ARHGAP22: variants seen among roughly 807,000 people sequenced by gnomAD.
The protein encoded by ARHGAP22 is Rho GTPase activating protein 22.
A neutral mutation model predicts 59.1 loss-of-function variants in ARHGAP22; 48 were observed. The observed-to-expected ratio is 0.81, with a 90% CI of 0.64 to 1.03. ARHGAP22 has a LOEUF of 1.03. Among genes scored for constraint, ARHGAP22 ranks in the 50% least tolerant of loss-of-function variants. The pLI is 0.00. For synonymous variants in ARHGAP22, 445 were observed against 416.4 expected, an observed-to-expected ratio of 1.07 and a Z score of -0.84; for missense variants, 1,015 against 958.7, an observed-to-expected ratio of 1.06 and a Z score of -0.78.
At chr10:48,584,605 A>C (rs1322250047) in intron 1 of ARHGAP22, among the ~76,000 whole-genome samples, 3 of 152,234 alleles carry the variant, frequency 2.0e-5, no homozygotes, top group Non-Finnish European at 4.4e-5. Flanking sequence ...GTGGGGGGCA[A>C]GGAACAGACG....
chr10:48,455,977 C>G (rs2046459303), intron 5 of ARHGAP22, among the ~76,000 whole-genome samples: 1 of 152,212 alleles, frequency 6.6e-6, no homozygotes, highest in African/African-American at 2.4e-5. Flanking sequence ...TGGCTCGGAG[C>G]TGCCAAGGCA....
chr10:48,649,477 T>C (rs1589326796), intron 1 of ARHGAP22, among the ~76,000 whole-genome samples: 1 of 152,124 alleles, frequency 6.6e-6, no homozygotes, highest in South Asian at 2.1e-4. Flanking sequence ...GCCTTCTCCT[T>C]CTCTTTGGAC....
In ARHGAP22 at chr10:48,578,062, GC is replaced by G. The variant is rs2058864009; in HGVS notation, c.234+4890del. Among the ~76,000 whole-genome samples, 4 of 152,158 alleles carry G rather than the reference GC, an allele frequency of 2.6e-5. No homozygotes were observed. The South Asian group carries it at 8.3e-4, about 32-fold the overall frequency. ...GACCTCAAATGATCTGCCTGCCTTG[GC>G]CTCCCAAAGTGCTGGGACTAGAGGC... On this transcript the variant is annotated intron_variant, in intron 2 of 9. Transcript: ENST00000249601.
At position 48,446,475 on chromosome 10, in the gene ARHGAP22, C is replaced by T; in HGVS notation, c.2013G>A (p.Gln671=). The change falls in exon 10 of 10, where the codon CAG becomes CAA. Residue 671 remains glutamine, a synonymous_variant. Coordinates refer to ENST00000249601, the MANE Select transcript of ARHGAP22 (RefSeq NM_021226.4). ...ACTCCTCCATTTCCCTCTGCAACAG[C>T]TGGTTCCTCCTCTCCGCATCCTCCC... ...RAREDAERRN[Q]LLQREMEEFF... 6.2e-7 allele frequency: 1 copy of T among 1,614,266 alleles called. No homozygotes were observed. The highest frequency in any genetic ancestry group is 1.1e-5 in the South Asian group (1 of 91,084).
Position 48,499,780 on chromosome 10 carries a change from G to A in ARHGAP22, c.323-20016C>T, listed in dbSNP as rs181205699. ...AGAATCCAGTAAATCAACTGGGTGCGAAATTAATATATAAAAAGAACAATC... is the reference window on the plus strand; with the variant it reads ...AGAATCCAGTAAATCAACTGGGTGCAAAATTAATATATAAAAAGAACAATC... On this transcript the variant is annotated intron_variant, in intron 3 of 9. Coordinates refer to ENST00000249601, the MANE Select transcript of ARHGAP22 (RefSeq NM_021226.4). 8.5e-5 allele frequency among the ~76,000 whole-genome samples: 13 copies of A among 152,272 alleles called. No individual in the cohort carries two copies. In the East Asian group the frequency reaches 1.2e-3, roughly 14 times the overall value.
At chr10:48,552,383 G>A (rs553813195) in intron 3 of ARHGAP22, among the ~76,000 whole-genome samples, 1 of 152,242 alleles carries the variant, frequency 6.6e-6, no homozygotes, top group Non-Finnish European at 1.5e-5. Flanking sequence ...TCCTTCCTGC[G>A]CCTGTTAGTT....
At chr10:48,511,066 G>T (rs1161066069) in intron 3 of ARHGAP22, 1 of 152,376 alleles carries the variant, frequency 6.6e-6, no homozygotes, top group Admixed American at 6.5e-5. Flanking sequence ...AACTGGACTG[G>T]AGCAGGATAG....
At chr10:48,576,870 A>T (rs2058742416) in intron 2 of ARHGAP22, among the ~76,000 whole-genome samples, 1 of 151,860 alleles carries the variant, frequency 6.6e-6, no homozygotes, top group South Asian at 2.1e-4. Context: ...GGGCAGTGAG[A>T]TTTTGCTTTC....
chr10:48,591,750 T>C (rs1007065466), intron 1 of ARHGAP22, among the ~76,000 whole-genome samples: 1 of 152,150 alleles, frequency 6.6e-6, no homozygotes, highest in East Asian at 1.9e-4. Context: ...GGTGTGCCCC[T>C]GTGGTCCCAG....
At chr10:48,543,124 A>G (rs1034038175) in intron 3 of ARHGAP22, among the ~76,000 whole-genome samples, 9 of 152,280 alleles carry the variant, frequency 5.9e-5, no homozygotes, top group Middle Eastern at 3.4e-3. Flanking sequence ...AAGGGGACAC[A>G]CCAGCTAAAT....
At chr10:48,522,147 G>T (rs2053861053) in intron 3 of ARHGAP22, among the ~76,000 whole-genome samples, 2 of 152,194 alleles carry the variant, frequency 1.3e-5, no homozygotes, top group African/African-American at 4.8e-5. Context: ...TCCAACAATT[G>T]CATGGGTTCT....
the ARHGAP22 span, among the ~76,000 whole-genome samples, chr10:48,433,094 C>T: frequency 5.9e-5 from 9 of 152,098 alleles, no homozygotes; most frequent in Non-Finnish European, 1.0e-4. Flanking sequence ...TATAGAGGCT[C>T]ACTTAAGAGA....
chr10:48,528,515 A>G (rs1220753900), intron 3 of ARHGAP22, among the ~76,000 whole-genome samples: 2 of 152,180 alleles, frequency 1.3e-5, no homozygotes, highest in Non-Finnish European at 2.9e-5. Context: ...GGTGGTAAAG[A>G]AAACTCTGCA....
At chr10:48,474,447 A>G (rs547381078) in intron 4 of ARHGAP22, among the ~76,000 whole-genome samples, 19 of 152,294 alleles carry the variant, frequency 1.2e-4, no homozygotes, top group Non-Finnish European at 2.2e-4. Flanking sequence ...TGCATAATTG[A>G]CCTGGCTAGA....
At chr10:48,564,420 C>T (rs1001627317) in intron 2 of ARHGAP22, among the ~76,000 whole-genome samples, 4 of 152,188 alleles carry the variant, frequency 2.6e-5, no homozygotes, top group Admixed American at 1.3e-4. Context: ...ACTGTCCTCT[C>T]CCCAGAGCCC....
intron 3 of ARHGAP22, among the ~76,000 whole-genome samples, chr10:48,515,046 T>C (rs1162050347): frequency 1.3e-5 from 2 of 152,142 alleles, no homozygotes; most frequent in African/African-American, 4.8e-5. Context: ...AGATATAACA[T>C]GTATAGAAAA....
At chr10:48,580,548 T>C (rs964886858) in intron 2 of ARHGAP22, among the ~76,000 whole-genome samples, 1 of 151,894 alleles carries the variant, frequency 6.6e-6, no homozygotes, top group Non-Finnish European at 1.5e-5. Context: ...AGGAGGAGGG[T>C]GACAGTAAGG....
chr10:48,492,904 TTTG>T (rs2050547405), intron 3 of ARHGAP22, among the ~76,000 whole-genome samples: 1 of 152,222 alleles, frequency 6.6e-6, no homozygotes, highest in Non-Finnish European at 1.5e-5. Flanking sequence ...AACCTAATAT[TTTG>T]TTTATTCCAA....
At chr10:48,489,580 T>C (rs1264253247) in intron 3 of ARHGAP22, among the ~76,000 whole-genome samples, 1 of 152,214 alleles carries the variant, frequency 6.6e-6, no homozygotes, top group African/African-American at 2.4e-5. Context: ...TGAATAAGAA[T>C]TACACTGGCA....
Sources: allele counts gnomAD v4.1 joint callset (sites outside exome capture counted in the v4.1 genomes callset), GRCh38; gene constraint gnomAD v4.1.1; transcripts MANE v1.5; gene names NCBI Gene and HGNC (gene_info 2026-07-23, HGNC 2026-07-21).